Variants in HDAC4 observed in about 807,000 individuals in gnomAD.
The protein encoded by HDAC4 is histone deacetylase 4.
In HDAC4, 16 loss-of-function variants were observed where a neutral mutation model predicts 135.1. That is an observed-to-expected ratio of 0.12 (90% confidence interval 0.08 to 0.18). The LOEUF (loss-of-function observed/expected upper bound fraction) is 0.18, where lower values mean the gene tolerates loss of function less well. Ranked by LOEUF, HDAC4 falls within the 10% of genes least tolerant of loss-of-function variation. The probability of loss-of-function intolerance (pLI) is 1.00; values close to 1 mark genes in which losing one functional copy is unlikely to be tolerated. For synonymous variants in HDAC4, 685 were observed against 653.4 expected (o/e 1.05, Z -0.74); for missense variants, 1,143 against 1,511.8 (o/e 0.76, Z 4.05).
intron 2 of HDAC4, among the ~76,000 whole-genome samples, chr2:239,257,916 A>G (rs2049136944): frequency 6.6e-6 from 1 of 152,234 alleles, no homozygotes; most frequent in East Asian, 1.9e-4. Flanking sequence ...GAATTCTGAG[A>G]AAGAGACTTT....
At chr2:239,165,167 G>A (rs1034261577) in intron 5 of HDAC4, among the ~76,000 whole-genome samples, 14 of 152,006 alleles carry the variant, frequency 9.2e-5, no homozygotes, top group Middle Eastern at 3.4e-3. Flanking sequence ...AGGCTACAGT[G>A]AACCAAGACT....
chr2:239,341,902 T>C (rs1575719692), intron 2 of HDAC4, among the ~76,000 whole-genome samples: 1 of 152,282 alleles, frequency 6.6e-6, no homozygotes, highest in East Asian at 1.9e-4. Context: ...GTGATTAAGT[T>C]ATGGACTCTC....
intron 1 of HDAC4, among the ~76,000 whole-genome samples, chr2:239,361,653 A>G (rs1693877661): frequency 6.6e-6 from 1 of 152,238 alleles, no homozygotes; most frequent in Non-Finnish European, 1.5e-5. Flanking sequence ...CCACGAGGAA[A>G]GCAGTCTTTT....
intron 1 of HDAC4, among the ~76,000 whole-genome samples, chr2:239,377,341 A>T (rs1695083474): frequency 6.6e-6 from 1 of 152,116 alleles, no homozygotes; most frequent in Non-Finnish European, 1.5e-5. Flanking sequence ...GGAGGCCCCA[A>T]AATGTCCAGG....
intron 2 of HDAC4, among the ~76,000 whole-genome samples, chr2:239,325,607 T>C (rs1460829582): frequency 6.6e-6 from 1 of 152,212 alleles, no homozygotes; most frequent in Non-Finnish European, 1.5e-5. Flanking sequence ...GGAACCCTCA[T>C]ACGTGGTGGG....
At chr2:239,166,733 G>A (rs565743012) in intron 5 of HDAC4, among the ~76,000 whole-genome samples, 4 of 152,218 alleles carry the variant, frequency 2.6e-5, no homozygotes, top group South Asian at 2.1e-4. Flanking sequence ...AGTTAACCTC[G>A]TAAATATACA....
intron 1 of HDAC4, among the ~76,000 whole-genome samples, chr2:239,380,733 C>G (rs1695359231): frequency 6.6e-6 from 1 of 152,122 alleles, no homozygotes; most frequent in South Asian, 2.1e-4. Flanking sequence ...TATTTAAAAG[C>G]CGGAAACACA....
intron 11 of HDAC4, among the ~76,000 whole-genome samples, chr2:239,130,364 C>A (rs2040487228): frequency 6.6e-6 from 1 of 152,176 alleles, no homozygotes; most frequent in East Asian, 1.9e-4. Context: ...CAGTAGCATG[C>A]CATCGCTAAC....
chr2:239,216,323 AAAAT>A lies in HDAC4; in HGVS notation c.94+20266_94+20269del, dbSNP rs201524280. 6.9e-3 allele frequency among the ~76,000 whole-genome samples: 1,057 copies of A among 152,192 alleles called. 8 individuals carry two copies. The highest frequency in any genetic ancestry group is 0.011 in the Non-Finnish European group (717 of 68,004). ...TCACACATCTTCCCAGAGAAAAAAA[AAAAT>A]AAAAGAAAAAGTCTCCAAAAAACCT... On this transcript the variant is annotated intron_variant, in intron 3 of 26. Transcript: ENST00000543185.
intron 2 of HDAC4, among the ~76,000 whole-genome samples, chr2:239,294,016 T>C (rs962744335): frequency 2.0e-5 from 3 of 152,186 alleles, no homozygotes; most frequent in Non-Finnish European, 2.9e-5. Context: ...CAGAGACATT[T>C]CTAGAGAGAA....
At chr2:239,393,117 C>T (rs1248176534) in intron 1 of HDAC4, among the ~76,000 whole-genome samples, 1 of 152,156 alleles carries the variant, frequency 6.6e-6, no homozygotes, top group African/African-American at 2.4e-5. Flanking sequence ...ACTGGGACCC[C>T]CGGCGTGTGA....
At chr2:239,265,759 G>A (rs1317180412) in intron 2 of HDAC4, among the ~76,000 whole-genome samples, 2 of 152,242 alleles carry the variant, frequency 1.3e-5, no homozygotes, top group Admixed American at 6.5e-5. Flanking sequence ...AACAGTGTCA[G>A]AGACACCAGG....
chr2:239,315,450 C>T (rs1575682473), intron 2 of HDAC4, among the ~76,000 whole-genome samples: 1 of 152,150 alleles, frequency 6.6e-6, no homozygotes, highest in South Asian at 2.1e-4. Context: ...CGGGCAATGC[C>T]GATGCACGAG....
chr2:239,349,029 A>G lies in HDAC4; in HGVS notation c.22+3649T>C, dbSNP rs534167465. On this transcript the variant is annotated intron_variant, in intron 2 of 26. Transcript: ENST00000543185. This position sits in a 1 kb window ranked among gnomAD's most constrained non-coding sequence, Gnocchi z 5.7. ...CATCAGCAGGGCAAAGCCAAGTCAC[A>G]TGACAAATGTGAGAGGGGGCCCATG... Among the ~76,000 whole-genome samples the G allele has an allele frequency of 1.3e-5, 2 of 152,306 alleles. No individual in the cohort carries two copies. The highest frequency in any genetic ancestry group is 2.4e-5 in the African/African-American group (1 of 41,568).
chr2:239,216,800 T>A (rs1175573150), intron 3 of HDAC4, among the ~76,000 whole-genome samples: 1 of 152,022 alleles, frequency 6.6e-6, no homozygotes, highest in Non-Finnish European at 1.5e-5. Context: ...GGGAGTCTGG[T>A]GAGAAGGGGG....
At chr2:239,189,698 A>G in intron 4 of HDAC4, 135 bp downstream of exon 4, 1 of 806,212 alleles carries the variant, frequency 1.2e-6, no homozygotes, top group East Asian at 2.7e-5. Flanking sequence ...TTACCGTCCC[A>G]ACGCAGAAGG....
chr2:239,237,867 C>A (rs185274374), intron 2 of HDAC4, among the ~76,000 whole-genome samples: 1 of 152,180 alleles, frequency 6.6e-6, no homozygotes, highest in Non-Finnish European at 1.5e-5. Context: ...TCCAACCAAC[C>A]AGCAGCTCCT....
intron 9 of HDAC4, 144 bp from the exon 10 acceptor site, chr2:239,134,787 G>A (rs953299586): frequency 5.6e-6 from 4 of 716,408 alleles, no homozygotes; most frequent in East Asian, 5.4e-5. Flanking sequence ...AGACAGCAAT[G>A]AGAGCATGAG....
intron 5 of HDAC4, among the ~76,000 whole-genome samples, chr2:239,166,110 T>C (rs1477475873): frequency 6.6e-6 from 1 of 152,160 alleles, no homozygotes; most frequent in African/African-American, 2.4e-5. Flanking sequence ...CACTCACAAA[T>C]GGAGTTTTTG....
Sources: gnomAD v4.1 joint callset for allele counts (sites outside exome capture counted in the v4.1 genomes callset) on GRCh38, gnomAD v4.1.1 for gene constraint, Gnocchi (gnomAD v3.1) non-coding constraint, MANE v1.5 for transcripts, NCBI Gene and HGNC (gene_info 2026-07-23, HGNC 2026-07-21) for gene names.